EPHA6: variants seen among roughly 807,000 people sequenced by gnomAD.
EPHA6 encodes ephrin type-A receptor 6.
EPHA6 carries 50 observed loss-of-function variants against 112.0 expected under a neutral mutation model. The observed-to-expected ratio is 0.45, with a 90% CI of 0.36 to 0.56. The LOEUF (loss-of-function observed/expected upper bound fraction) is 0.56, where lower values mean the gene tolerates loss of function less well. Among genes scored for constraint, EPHA6 ranks in the 20% least tolerant of loss-of-function variants. EPHA6 has a pLI of 0.00. For synonymous variants in EPHA6, 529 were observed against 490.7 expected, an observed-to-expected ratio of 1.08 and a Z score of -1.03; for missense variants, 1,280 against 1,417.4, an observed-to-expected ratio of 0.90 and a Z score of 1.56.
intron 5 of EPHA6, among the ~76,000 whole-genome samples, chr3:97,328,037 A>T (rs994688392): frequency 6.9e-5 from 7 of 100,876 alleles, no homozygotes; most frequent in Non-Finnish European, 1.3e-4. Context: ...ATGTGTATAT[A>T]TACACACATA....
At chr3:97,226,455 T>C in intron 4 of EPHA6, 36 bp downstream of exon 4, 1 of 1,569,080 alleles carries the variant, frequency 6.4e-7, no homozygotes, top group Non-Finnish European at 8.6e-7. Context: ...AAATTCTGTT[T>C]CCAACCCTTT....
chr3:97,709,859 C>T (rs2033875027), intron 14 of EPHA6, among the ~76,000 whole-genome samples: 1 of 152,168 alleles, frequency 6.6e-6, no homozygotes, highest in South Asian at 2.1e-4. Flanking sequence ...CCATGTAAGA[C>T]ATGCCTTGCT....
chr3:97,700,586 T>C (rs530920747), intron 14 of EPHA6, among the ~76,000 whole-genome samples: 1 of 152,296 alleles, frequency 6.6e-6, no homozygotes, highest in South Asian at 2.1e-4. Context: ...AAATCAACTT[T>C]AGCTTAGCTG....
In EPHA6 at chr3:97,610,801, G is replaced by C. The variant is rs1285376011; in HGVS notation, c.2521G>C (p.Val841Leu). The change falls in exon 13 of 18, where the codon GTA becomes CTA. Residue 841 changes from valine (V) to leucine (L), a missense_variant. By Grantham distance (32) the Val-to-Leu change is conservative. Coordinates refer to ENST00000389672, the MANE Select transcript of EPHA6 (RefSeq NM_001080448.3). ...LPPRIPAGRP[V>L]MIVVEYMENG... ...CTCTTGCTCTTTTGCAGGCAGACCA[G>C]TAATGATTGTGGTGGAATATATGGA... 1.2e-6 allele frequency: 2 copies of C among 1,611,554 alleles called. No individual in the cohort carries two copies. The highest frequency in any genetic ancestry group is 3.3e-5 in the Admixed American group (2 of 59,774).
chr3:97,450,113 G>A (rs1236136120), intron 7 of EPHA6, among the ~76,000 whole-genome samples: 1 of 151,990 alleles, frequency 6.6e-6, no homozygotes, highest in Non-Finnish European at 1.5e-5. Flanking sequence ...GGAGACTATT[G>A]ACTTTTTAAG....
chr3:97,289,347 C>G (rs992851582), intron 5 of EPHA6, among the ~76,000 whole-genome samples: 6 of 152,090 alleles, frequency 3.9e-5, no homozygotes, highest in Non-Finnish European at 8.8e-5. Context: ...AGTCCTTTCC[C>G]CATTGTTTAT....
At chr3:97,714,982 G>A (rs2034149166) in intron 14 of EPHA6, among the ~76,000 whole-genome samples, 1 of 152,140 alleles carries the variant, frequency 6.6e-6, no homozygotes, top group South Asian at 2.1e-4. Flanking sequence ...GTCAAACCTT[G>A]GTTTCAAACC....
chr3:97,201,577 A>G (rs2108498336), intron 3 of EPHA6, among the ~76,000 whole-genome samples: 1 of 152,046 alleles, frequency 6.6e-6, no homozygotes, highest in Non-Finnish European at 1.5e-5. Flanking sequence ...GAACATCTCT[A>G]CAAAATAATA....
chr3:96,879,580 G>T (rs1233296459), intron 2 of EPHA6, among the ~76,000 whole-genome samples: 1 of 151,976 alleles, frequency 6.6e-6, no homozygotes, highest in Non-Finnish European at 1.5e-5. Flanking sequence ...TATTTCAAAA[G>T]AACTAGAATT....
chr3:96,900,850 A>G (rs1219625611), intron 2 of EPHA6, among the ~76,000 whole-genome samples: 1 of 152,246 alleles, frequency 6.6e-6, no homozygotes, highest in Non-Finnish European at 1.5e-5. Flanking sequence ...GATTAATGGC[A>G]TCGTTACTGA....
intron 14 of EPHA6, chr3:97,648,481 G>T (rs2094084199): frequency 7.7e-6 from 10 of 1,292,752 alleles, no homozygotes; most frequent in Non-Finnish European, 9.8e-6. Flanking sequence ...CCTAATTTAG[G>T]TGTTTGTGAA....
chr3:97,321,701 G>A (rs546608472), intron 5 of EPHA6, among the ~76,000 whole-genome samples: 30 of 151,826 alleles, frequency 2.0e-4, no homozygotes, highest in Non-Finnish European at 3.1e-4. Context: ...ATAAACCAGG[G>A]ACTTCTATTG....
intron 15 of EPHA6, 33 bp from the exon 16 acceptor site, chr3:97,735,892 A>G: frequency 6.8e-7 from 1 of 1,477,100 alleles, no homozygotes; most frequent in African/African-American, 1.4e-5. Context: ...CTGCCTAAAA[A>G]TAAGAGAGTA....
At chr3:97,673,336 G>T (rs1429869727) in intron 14 of EPHA6, among the ~76,000 whole-genome samples, 1 of 152,160 alleles carries the variant, frequency 6.6e-6, no homozygotes, top group Non-Finnish European at 1.5e-5. Flanking sequence ...CTCGGGAATG[G>T]GATGGCATGA....
intron 3 of EPHA6, among the ~76,000 whole-genome samples, chr3:97,203,520 A>G (rs1185568909): frequency 6.6e-6 from 1 of 152,126 alleles, no homozygotes; most frequent in Non-Finnish European, 1.5e-5. Flanking sequence ...CAGAAATAGT[A>G]TAGGTAGTGC....
intron 15 of EPHA6, among the ~76,000 whole-genome samples, chr3:97,727,862 C>T (rs572960788): frequency 3.3e-5 from 5 of 151,964 alleles, no homozygotes; most frequent in South Asian, 4.2e-4. Flanking sequence ...GGGAATATTA[C>T]AAGATGTAAT....
intron 2 of EPHA6, among the ~76,000 whole-genome samples, chr3:96,945,222 T>A (rs554447049): frequency 2.6e-5 from 4 of 152,344 alleles, no homozygotes. Flanking sequence ...CCTAGATTAA[T>A]AAAATCATAT....
intron 5 of EPHA6, among the ~76,000 whole-genome samples, chr3:97,265,422 G>A (rs1022593919): frequency 2.0e-5 from 3 of 152,166 alleles, no homozygotes; most frequent in Non-Finnish European, 2.9e-5. Flanking sequence ...ATCCAGAGGG[G>A]TCCGAGGTGG....
chr3:97,021,773 C>G (rs746791668), intron 3 of EPHA6, among the ~76,000 whole-genome samples: 1 of 152,184 alleles, frequency 6.6e-6, no homozygotes, highest in Non-Finnish European at 1.5e-5. Context: ...TTTGTAAAAG[C>G]CCTATCTCAT....
Sources: gnomAD v4.1 joint callset for allele counts (sites outside exome capture counted in the v4.1 genomes callset) on GRCh38, gnomAD v4.1.1 for gene constraint, MANE v1.5 for transcripts, NCBI Gene and HGNC (gene_info 2026-07-23, HGNC 2026-07-21) for gene names.